Variants in LRBA observed in about 807,000 individuals in gnomAD.
LRBA encodes the protein LPS responsive beige-like anchor protein.
LRBA carries 176 observed loss-of-function variants against 330.0 expected under a neutral mutation model. That is an observed-to-expected ratio of 0.53 (90% CI 0.47 to 0.60). The LOEUF (loss-of-function observed/expected upper bound fraction) is 0.60, where lower values mean the gene tolerates loss of function less well. Among genes scored for constraint, LRBA ranks in the 20% least tolerant of loss-of-function variants. The pLI is 0.00. For synonymous variants in LRBA, 1,230 were observed against 1,193.0 expected, an observed-to-expected ratio of 1.03 and a Z score of -0.64; for missense variants, 3,259 against 3,444.8, an observed-to-expected ratio of 0.95 and a Z score of 1.35.
Position 150,648,158 on chromosome 4 carries a change from C to CAAAAAAAAAAAAAAAAAAAAAAAAAAA in LRBA, c.5921+35392_5921+35393insTTTTTTTTTTTTTTTTTTTTTTTTTTT. Reference sequence around the variant, plus strand: ...TCAGAAGAGAAAGGAACACAAGTAGCAAAAAAAAAAAAAAAAAAACTAGAA... The same window carrying CAAAAAAAAAAAAAAAAAAAAAAAAAAA: ...TCAGAAGAGAAAGGAACACAAGTAGCAAAAAAAAAAAAAAAAAAAAAAAAAAAAAAAAAAAAAAAAAAAAAACTAGAA... On this transcript the variant is annotated intron_variant, in intron 37 of 56. Coordinates refer to ENST00000651943, the MANE Select transcript of LRBA (RefSeq NM_001364905.1). Among the ~76,000 whole-genome samples, 77 of 18,092 alleles carry CAAAAAAAAAAAAAAAAAAAAAAAAAAA rather than the reference C, an allele frequency of 4.3e-3. 22 individuals are homozygous for CAAAAAAAAAAAAAAAAAAAAAAAAAAA. The highest frequency in any genetic ancestry group is 7.7e-3 in the Admixed American group (7 of 904). 11.9% of individuals were successfully genotyped at this position (18,092 alleles called of 152,430 possible). A position where few individuals can be genotyped will look rare whatever the true frequency, so the allele number is the denominator to read the frequency against.
intron 40 of LRBA, among the ~76,000 whole-genome samples, 156 bp downstream of exon 40, chr4:150,587,892 G>A (rs1772315334): frequency 6.6e-6 from 1 of 151,706 alleles, no homozygotes; most frequent in Non-Finnish European, 1.5e-5. Flanking sequence ...TAACTGGTAG[G>A]GAATCATAAA....
At chr4:150,597,650 T>A (rs1309827093) in intron 38 of LRBA, among the ~76,000 whole-genome samples, 1 of 151,512 alleles carries the variant, frequency 6.6e-6, no homozygotes, top group Non-Finnish European at 1.5e-5. Context: ...TTGTTAAAAA[T>A]TGCAAAAAAA....
intron 40 of LRBA, among the ~76,000 whole-genome samples, chr4:150,523,467 G>T (rs11931161): frequency 0.3 from 45,520 of 151,890 alleles, 7,097 homozygotes; most frequent in East Asian, 0.38. Context: ...TGACTTCACC[G>T]TGGAATTCCC....
intron 34 of LRBA, among the ~76,000 whole-genome samples, chr4:150,784,740 A>T (rs1478497749): frequency 6.6e-6 from 1 of 151,970 alleles, no homozygotes; most frequent in Non-Finnish European, 1.5e-5. Flanking sequence ...TATCTTGCCT[A>T]TTAAACTCTC....
chr4:150,615,380 T>A (rs1487393594), intron 37 of LRBA, among the ~76,000 whole-genome samples: 8 of 152,108 alleles, frequency 5.3e-5, no homozygotes, highest in Admixed American at 5.2e-4. Flanking sequence ...TGGCTGTGAG[T>A]GGAAAGAGTG....
chr4:150,773,656 C>A (rs1736879295), intron 34 of LRBA, among the ~76,000 whole-genome samples: 1 of 152,204 alleles, frequency 6.6e-6, no homozygotes, highest in African/African-American at 2.4e-5. Context: ...TAGGTAGAGG[C>A]AGTTCAGTGG....
intron 37 of LRBA, among the ~76,000 whole-genome samples, chr4:150,649,324 A>G (rs1012002904): frequency 2.0e-5 from 3 of 152,108 alleles, no homozygotes; most frequent in Non-Finnish European, 2.9e-5. Flanking sequence ...GTCCCTGCCT[A>G]TCCTTCTCAT....
At chr4:150,604,376 C>T (rs898353796) in intron 37 of LRBA, among the ~76,000 whole-genome samples, 5 of 150,672 alleles carry the variant, frequency 3.3e-5, no homozygotes, top group African/African-American at 9.8e-5. Flanking sequence ...TGAACTCTAG[C>T]CTGGCTGACA....
At chr4:150,670,188 T>TGTACA (rs1425322906) in intron 37 of LRBA, among the ~76,000 whole-genome samples, 1 of 152,216 alleles carries the variant, frequency 6.6e-6, no homozygotes, top group Non-Finnish European at 1.5e-5. Context: ...TGTATTGTAT[T>TGTACA]GTACAGTACT....
chr4:150,451,337 C>G (rs1753316859), intron 44 of LRBA, among the ~76,000 whole-genome samples: 1 of 151,632 alleles, frequency 6.6e-6, no homozygotes, highest in South Asian at 2.1e-4. Context: ...CTGAAAAGAA[C>G]TGAAATCATA....
intron 34 of LRBA, among the ~76,000 whole-genome samples, chr4:150,766,779 T>A (rs545258652): frequency 1.4e-4 from 21 of 152,256 alleles, no homozygotes; most frequent in African/African-American, 4.3e-4. Context: ...AAAAACATGT[T>A]AAAAGCCTCA....
intron 44 of LRBA, among the ~76,000 whole-genome samples, chr4:150,451,162 T>A (rs1753297317): frequency 6.6e-6 from 1 of 152,266 alleles, no homozygotes; most frequent in Admixed American, 6.5e-5. Context: ...CAAGTAGAAA[T>A]CAGTACGGAT....
intron 2 of LRBA, among the ~76,000 whole-genome samples, chr4:151,007,306 C>T (rs909285482): frequency 6.6e-6 from 1 of 151,938 alleles, no homozygotes; most frequent in Non-Finnish European, 1.5e-5. Flanking sequence ...TGGAGACCAT[C>T]CTGGCAAACA....
intron 2 of LRBA, among the ~76,000 whole-genome samples, chr4:150,967,495 T>C (rs1190315509): frequency 6.6e-6 from 1 of 152,246 alleles, no homozygotes; most frequent in African/African-American, 2.4e-5. Flanking sequence ...CATTGCAAAA[T>C]ATGCTCAGTT....
intron 36 of LRBA, among the ~76,000 whole-genome samples, chr4:150,725,235 C>A (rs2127098642): frequency 6.6e-6 from 1 of 151,958 alleles, no homozygotes; most frequent in South Asian, 2.1e-4. Context: ...AGAAAGATAT[C>A]AAATTCAAGT....
chr4:150,885,959 AAGAT>A lies in LRBA; in HGVS notation c.2165+7089_2165+7092del, dbSNP rs146595263. On this transcript the variant is annotated intron_variant, in intron 17 of 56. Coordinates refer to ENST00000651943, the MANE Select transcript of LRBA (RefSeq NM_001364905.1). ...CTTGTAAGAAATAATAAAGCCCACC[AAGAT>A]GAAAGAATATACTGTAAAACCACTA... 9.3e-3 allele frequency among the ~76,000 whole-genome samples: 1,410 copies of A among 152,308 alleles called. 26 individuals carry two copies. The highest frequency in any genetic ancestry group is 0.031 in the African/African-American group (1,271 of 41,570).
chr4:150,351,683 C>T (rs192147978), intron 47 of LRBA, among the ~76,000 whole-genome samples: 12 of 152,112 alleles, frequency 7.9e-5, no homozygotes, highest in South Asian at 6.2e-4. Context: ...AGTGAGACTC[C>T]GTCTCAAAAA....
At chr4:150,685,897 G>C (rs948632974) in intron 36 of LRBA, among the ~76,000 whole-genome samples, 1 of 152,044 alleles carries the variant, frequency 6.6e-6, no homozygotes, top group Non-Finnish European at 1.5e-5. Context: ...GAGGGACAAA[G>C]CAAGAGAGTT....
At chr4:150,833,449 C>A (rs968171256) in intron 28 of LRBA, among the ~76,000 whole-genome samples, 3 of 151,996 alleles carry the variant, frequency 2.0e-5, no homozygotes, top group African/African-American at 7.3e-5. Flanking sequence ...CATGGAGATA[C>A]CACAGGTTTA....
Sources: allele counts gnomAD v4.1 joint callset (sites outside exome capture counted in the v4.1 genomes callset), GRCh38; gene constraint gnomAD v4.1.1; transcripts MANE v1.5; gene names NCBI Gene and HGNC (gene_info 2026-07-23, HGNC 2026-07-21).